GABRA2: variants seen among roughly 807,000 people sequenced by gnomAD.
GABRA2 encodes the protein gamma-aminobutyric acid type A receptor subunit alpha2, also known as gamma-aminobutyric acid receptor subunit alpha-2.
A neutral mutation model predicts 48.7 loss-of-function variants in GABRA2; 16 were observed. That is an observed-to-expected ratio of 0.33 (90% CI 0.22 to 0.50). GABRA2 has a LOEUF of 0.50. Ranked by LOEUF, GABRA2 falls within the 20% of genes least tolerant of loss-of-function variation. GABRA2 has a pLI of 0.98. For synonymous variants in GABRA2, 185 were observed against 184.5 expected (o/e 1.00, Z -0.02); for missense variants, 275 against 535.6 (o/e 0.51, Z 4.80).
At chr4:46,349,087 A>G (rs1176506652) in intron 3 of GABRA2, among the ~76,000 whole-genome samples, 1 of 152,016 alleles carries the variant, frequency 6.6e-6, no homozygotes, top group South Asian at 2.1e-4. Context: ...TTTTTTAGCA[A>G]TAAAGTATAT....
At position 46,247,051 on chromosome 4, in the gene GABRA2, G is replaced by A. The variant is rs1713839729; in HGVS notation, c.*3257C>T. Among the ~76,000 whole-genome samples, 1 of 151,000 alleles carries A rather than the reference G, an allele frequency of 6.6e-6. No homozygotes were observed. The highest frequency in any genetic ancestry group is 2.4e-5 in the African/African-American group (1 of 41,270). ...AGAGTAAAATAATAGATTCTGGGTT[G>A]TTTTTAAAAATAAACTATGAACTAT... On this transcript the variant is annotated 3_prime_UTR_variant, in exon 10 of 10. Transcript: ENST00000381620.
chr4:46,336,817 G>T (rs1732312453), intron 3 of GABRA2, among the ~76,000 whole-genome samples: 1 of 151,990 alleles, frequency 6.6e-6, no homozygotes, highest in Admixed American at 6.6e-5. Context: ...AAGATATGAT[G>T]GGGGTGGTCA....
At chr4:46,364,794 A>ATAATGTCCC (rs1211184572) in intron 3 of GABRA2, 1 of 152,176 alleles carries the variant, frequency 6.6e-6, no homozygotes, top group East Asian at 1.9e-4. Flanking sequence ...ACCCACTCGG[A>ATAATGTCCC]TAATGTCCCT....
chr4:46,268,970 T>C (rs1718784440), intron 8 of GABRA2, among the ~76,000 whole-genome samples: 1 of 151,900 alleles, frequency 6.6e-6, no homozygotes, highest in African/African-American at 2.4e-5. Context: ...TTCTCACTTA[T>C]AGGTAAAATC....
intron 4 of GABRA2, among the ~76,000 whole-genome samples, chr4:46,329,327 A>G (rs1001945169): frequency 1.3e-5 from 2 of 152,114 alleles, no homozygotes; most frequent in African/African-American, 4.8e-5. Flanking sequence ...TGTAGTCACA[A>G]GAGAAGGGAG....
chr4:46,385,836 T>C (rs554629558), intron 3 of GABRA2, among the ~76,000 whole-genome samples: 2 of 152,248 alleles, frequency 1.3e-5, no homozygotes, highest in Admixed American at 6.5e-5. Context: ...AAACTATTCA[T>C]GCAGAAAGTC....
intron 4 of GABRA2, among the ~76,000 whole-genome samples, chr4:46,324,944 G>GC (rs1328585028): frequency 6.6e-5 from 10 of 151,832 alleles, no homozygotes; most frequent in African/African-American, 2.4e-4. Context: ...TACACAGACC[G>GC]CATTTTCTTT....
intron 7 of GABRA2, among the ~76,000 whole-genome samples, chr4:46,305,345 A>G (rs963397797): frequency 1.3e-5 from 2 of 151,756 alleles, no homozygotes; most frequent in African/African-American, 2.4e-5. Flanking sequence ...GCACACCAAC[A>G]TGGCACATGT....
chr4:46,327,324 G>A (rs893934633), intron 4 of GABRA2, among the ~76,000 whole-genome samples: 2 of 151,834 alleles, frequency 1.3e-5, no homozygotes, highest in Non-Finnish European at 2.9e-5. Flanking sequence ...TAATTCAAAT[G>A]GTTACAATCT....
intron 3 of GABRA2, chr4:46,364,449 G>C (rs1214452276): frequency 1.3e-5 from 2 of 152,210 alleles, no homozygotes; most frequent in Non-Finnish European, 1.5e-5. Context: ...CTGTAGGTCA[G>C]AAGTCCAGCA....
chr4:46,312,356 G>T (rs1222440716), intron 5 of GABRA2, 140 bp downstream of exon 5: 1 of 499,438 alleles, frequency 2.0e-6, no homozygotes, highest in Non-Finnish European at 3.6e-6. Context: ...CAAAACATTT[G>T]CAAAGCATAT....
At chr4:46,296,518 AC>A (rs1213700871) in intron 8 of GABRA2, among the ~76,000 whole-genome samples, 4 of 152,284 alleles carry the variant, frequency 2.6e-5, no homozygotes, top group African/African-American at 9.6e-5. Context: ...TGCATGTAAT[AC>A]AGCAGATCCA....
At chr4:46,297,476 C>CATATATATAT (rs56201706) in intron 8 of GABRA2, among the ~76,000 whole-genome samples, 1,298 of 87,276 alleles carry the variant, frequency 0.015, 47 homozygotes, top group Non-Finnish European at 0.017. Context: ...AATAAAATCC[C>CATATATATAT]ATATATATAT....
chr4:46,267,805 G>T (rs1252708319), intron 8 of GABRA2, among the ~76,000 whole-genome samples: 1 of 151,836 alleles, frequency 6.6e-6, no homozygotes. Context: ...ACAGAATGAC[G>T]ATCCCTCAGC....
Position 46,282,814 on chromosome 4 carries a change from C to A in GABRA2, c.856+20646G>T, listed in dbSNP as rs1033449600. Among the ~76,000 whole-genome samples, 5 of 152,100 alleles carry A rather than the reference C, an allele frequency of 3.3e-5. No individual in the cohort carries two copies. The East Asian group carries it at 5.8e-4, about 18-fold the overall frequency. Reference sequence around the variant, plus strand: ...ACTTGCATAGCGTTTACTATTTGCCCAGAATTCCACTAAGTGGTCCGTATA... The same window carrying A: ...ACTTGCATAGCGTTTACTATTTGCCAAGAATTCCACTAAGTGGTCCGTATA... On this transcript the variant is annotated intron_variant, in intron 8 of 9. Coordinates refer to ENST00000381620, the MANE Select transcript of GABRA2 (RefSeq NM_000807.4).
At position 46,250,484 on chromosome 4, in the gene GABRA2, G is replaced by A. The variant is rs201337492; in HGVS notation, c.1180C>T (p.Pro394Ser). 5.5e-5 allele frequency: 88 copies of A among 1,611,932 alleles called. No individual in the cohort carries two copies. The highest frequency in any genetic ancestry group is 7.0e-5 in the Non-Finnish European group (82 of 1,178,672). The change falls in exon 10 of 10, where the codon CCA becomes TCA. Residue 394 changes from proline to serine, a missense_variant. This residue lies in a region of GABRA2 where 99 missense variants were observed against 124.3 expected (regional missense o/e 0.80). Transcript: ENST00000381620. ...TTTTCTGGCTTCTTGTTGGGTTCTG[G>A]CGTGGTTGCACTCTTGGAGATGGTG... ...LSTISKSATTPEPNKKPENKP... is the reference protein window; with the variant it reads ...LSTISKSATTSEPNKKPENKP...
chr4:46,329,922 A>G (rs1259897831), intron 4 of GABRA2, among the ~76,000 whole-genome samples: 1 of 152,130 alleles, frequency 6.6e-6, no homozygotes, highest in Non-Finnish European at 1.5e-5. Context: ...GGCTAGATGA[A>G]TTAAGGGAAA....
At position 46,249,357 on chromosome 4, in the gene GABRA2, A is replaced by C. The variant is rs201643350; in HGVS notation, c.*951T>G. On this transcript the variant is annotated 3_prime_UTR_variant, in exon 10 of 10. Coordinates refer to ENST00000381620, the MANE Select transcript of GABRA2 (RefSeq NM_000807.4). The stretch of plus-strand genomic sequence containing the variant: ...TTTGCAGTAAACAGGAAAGAGGAGA[A>C]TCATATAAGTGTTTGTCATAGTGTG... The C allele has an allele frequency of 6.6e-6, 1 of 151,380 alleles. No individual in the cohort carries two copies. Among genetic ancestry groups the C allele is most frequent in the Admixed American group, 6.6e-5 (1 of 15,128 alleles). The allele number at this position is 151,380 out of a possible 1,614,324, so 9.4% of individuals were successfully genotyped here. A position where few individuals can be genotyped will look rare whatever the true frequency, so the allele number is the denominator to read the frequency against.
chr4:46,375,169 G>A (rs913360542), intron 3 of GABRA2, among the ~76,000 whole-genome samples: 3 of 152,036 alleles, frequency 2.0e-5, no homozygotes, highest in Admixed American at 2.0e-4. Flanking sequence ...AATTTGAAGG[G>A]ATCTGTATCT....
Sources: allele counts gnomAD v4.1 joint callset (sites outside exome capture counted in the v4.1 genomes callset), GRCh38; gene constraint gnomAD v4.1.1; regional missense constraint gnomAD v4.1.1; transcripts MANE v1.5; gene names NCBI Gene and HGNC (gene_info 2026-07-23, HGNC 2026-07-21).